SPATA31H1: variants seen among roughly 807,000 people sequenced by gnomAD.
SPATA31H1 encodes SPATA31 subfamily H member 1.
At chr2:27,544,088 C>T in the SPATA31H1 span, among the ~76,000 whole-genome samples, 3 of 151,772 alleles carry the variant, frequency 2.0e-5, no homozygotes, top group Non-Finnish European at 4.4e-5. Context: ...AGAAAGATGC[C>T]GCAATAAAAA....
chr2:27,563,562 ATT>A, the SPATA31H1 span, among the ~76,000 whole-genome samples: 6 of 138,218 alleles, frequency 4.3e-5, no homozygotes, highest in Admixed American at 7.3e-5. Flanking sequence ...CACCCAGCTA[ATT>A]TTTTTTTTTT....
At chr2:27,571,986 C>G in the SPATA31H1 span, 1 of 398,286 alleles carries the variant, frequency 2.5e-6, no homozygotes, top group African/African-American at 2.1e-5. Flanking sequence ...ACAAGAGCAG[C>G]AATGTGTGAA....
chr2:27,538,888 C>T, the SPATA31H1 span, among the ~76,000 whole-genome samples: 635 of 151,980 alleles, frequency 4.2e-3, 1 homozygote, highest in Non-Finnish European at 7.1e-3. Context: ...TCACCTGCTC[C>T]TACCCCCATT....
the SPATA31H1 span, chr2:27,566,103 G>A: frequency 1.4e-6 from 1 of 717,496 alleles, no homozygotes; most frequent in Non-Finnish European, 2.6e-6. Context: ...GACATGGTGA[G>A]TAAAGCCTGT....
chr2:27,556,655 C>T, the SPATA31H1 span, among the ~76,000 whole-genome samples: 2 of 145,778 alleles, frequency 1.4e-5, no homozygotes, highest in Non-Finnish European at 3.0e-5. Context: ...AATTCTCCAT[C>T]TCGTCATCTA....
the SPATA31H1 span, chr2:27,580,930 G>T: frequency 1.2e-5 from 20 of 1,614,030 alleles, no homozygotes; most frequent in Non-Finnish European, 1.7e-5. Flanking sequence ...AGACCTCTTC[G>T]ACTGCCCAAG....
chr2:27,545,101 C>T, the SPATA31H1 span, among the ~76,000 whole-genome samples: 1 of 151,496 alleles, frequency 6.6e-6, no homozygotes, highest in Non-Finnish European at 1.5e-5. Context: ...CGGCTCACTG[C>T]AACCTCCATC....
the SPATA31H1 span, among the ~76,000 whole-genome samples, chr2:27,539,840 C>T: frequency 1.2e-5 from 1 of 83,720 alleles, no homozygotes; most frequent in South Asian, 3.8e-4. Flanking sequence ...CCTCACCTCC[C>T]GGACCGGGCG....
chr2:27,537,474 C>A, the SPATA31H1 span: 1 of 717,356 alleles, frequency 1.4e-6, no homozygotes, highest in Non-Finnish European at 2.6e-6. Context: ...CAGATATCAG[C>A]CTTCTATTAT....
the SPATA31H1 span, chr2:27,578,416 T>C: frequency 1.2e-6 from 2 of 1,614,038 alleles, no homozygotes; most frequent in African/African-American, 1.3e-5. Context: ...CCTCAGGTTG[T>C]AGAACCAATA....
chr2:27,580,134 G>C, the SPATA31H1 span: 2 of 1,614,154 alleles, frequency 1.2e-6, no homozygotes, highest in African/African-American at 1.3e-5. Flanking sequence ...AGATAGACCC[G>C]TCATACGGAG....
At chr2:27,566,467 G>A in the SPATA31H1 span, 1 of 678,146 alleles carries the variant, frequency 1.5e-6, no homozygotes, top group Non-Finnish European at 2.7e-6. Flanking sequence ...AGGAGGGAGG[G>A]AGAGAGGGAG....
the SPATA31H1 span, chr2:27,570,198 T>C: frequency 7.5e-6 from 3 of 398,638 alleles, no homozygotes; most frequent in African/African-American, 6.2e-5. Flanking sequence ...AGATATAAAG[T>C]CTCTAGATTT....
chr2:27,577,028 A>G, the SPATA31H1 span: 13 of 1,614,120 alleles, frequency 8.1e-6, no homozygotes, highest in South Asian at 1.4e-4. The surrounding 1 kb of genome is among the most constrained non-coding windows in gnomAD (Gnocchi z 4.5). Context: ...TGATTTCAAT[A>G]CCAATTTATC....
At chr2:27,577,494 T>A in the SPATA31H1 span, 2 of 1,614,054 alleles carry the variant, frequency 1.2e-6, no homozygotes, top group East Asian at 4.5e-5. The surrounding 1 kb of genome is among the most constrained non-coding windows in gnomAD (Gnocchi z 4.5). Context: ...TGCAGAGAGA[T>A]CCCCAAGGCT....
At chr2:27,547,177 C>CTT in the SPATA31H1 span, among the ~76,000 whole-genome samples, 9 of 137,878 alleles carry the variant, frequency 6.5e-5, no homozygotes, top group Non-Finnish European at 7.9e-5. Context: ...CAACTTTGAT[C>CTT]TTTTTTTTTT....
the SPATA31H1 span, among the ~76,000 whole-genome samples, chr2:27,541,597 GTT>G: frequency 0.58 from 87,286 of 151,550 alleles, 25,997 homozygotes; most frequent in East Asian, 0.85. Flanking sequence ...AGATGATGGT[GTT>G]TTTTAAACGA....
At chr2:27,563,108 T>TA in the SPATA31H1 span, among the ~76,000 whole-genome samples, 1 of 152,084 alleles carries the variant, frequency 6.6e-6, no homozygotes, top group African/African-American at 2.4e-5. Flanking sequence ...TATTAAATTA[T>TA]ATTTTTATAG....
the SPATA31H1 span, chr2:27,577,474 C>T: frequency 1.9e-6 from 3 of 1,614,060 alleles, no homozygotes; most frequent in South Asian, 3.3e-5. The surrounding 1 kb of genome is among the most constrained non-coding windows in gnomAD (Gnocchi z 4.5). Context: ...ACAAGTCAAG[C>T]CACTGGATTT....
Sources: gnomAD v4.1 joint callset for allele counts (sites outside exome capture counted in the v4.1 genomes callset) on GRCh38, gnomAD v4.1.1 for gene constraint, Gnocchi (gnomAD v3.1) non-coding constraint, MANE v1.5 for transcripts, NCBI Gene and HGNC (gene_info 2026-07-23, HGNC 2026-07-21) for gene names.